Variants in PPP4R3A observed in about 807,000 individuals in gnomAD.
PPP4R3A encodes the protein serine/threonine-protein phosphatase 4 regulatory subunit 3A.
PPP4R3A carries 15 observed loss-of-function variants against 91.7 expected under a neutral mutation model. The ratio of observed to expected loss-of-function variants is 0.16; its 90% CI spans 0.11 to 0.25. The LOEUF is 0.25. PPP4R3A is among the 10% of genes least tolerant of loss of function. The pLI is 1.00. For missense variants in PPP4R3A, 623 were observed against 998.4 expected (o/e 0.62, Z 5.07); for synonymous variants, 377 against 348.7 (o/e 1.08, Z -0.91).
rs1595042126 is a variant in PPP4R3A at position 91,457,874 on chromosome 14, GCA to G, written c.*883_*884del. The G allele has an allele frequency of 6.6e-6, 1 of 152,478 alleles. No individual in the cohort carries two copies. Among genetic ancestry groups the G allele is most frequent in the East Asian group, 1.9e-4 (1 of 5,204 alleles). The allele number at this position is 152,478 out of a possible 1,614,324, so 9.4% of individuals were successfully genotyped here. A position where few individuals can be genotyped will look rare whatever the true frequency, so the allele number is the denominator to read the frequency against. On this transcript the variant is annotated 3_prime_UTR_variant, in exon 15 of 15. Transcript: ENST00000554943. ...TCACAAAATAGTATTGCTTTTGTAT[GCA>G]CATAGTTGTAAGATTACTTTGCTTT...
At position 91,509,778 on chromosome 14, in the gene PPP4R3A, CGCCGCGGG is replaced by C. The variant is rs1343788468; in HGVS notation, c.-139_-132del. 1 of 1,265,326 alleles carries C rather than the reference CGCCGCGGG, an allele frequency of 7.9e-7. No individual in the cohort carries two copies. The highest frequency in any genetic ancestry group is 9.9e-7 in the Non-Finnish European group (1 of 1,010,192). 78.4% of individuals were successfully genotyped at this position (1,265,326 alleles called of 1,614,324 possible). ...CCCCGGCCTCACTGCCGCCGCTGGG[CGCCGCGGG>C]GCCGCGCCGCCGCCTGCATGGCCCG... On this transcript the variant is annotated 5_prime_UTR_variant, in exon 1 of 15. An upstream open reading frame in the 5' UTR loses its in-frame stop. Transcript: ENST00000554943.
intron 3 of PPP4R3A, among the ~76,000 whole-genome samples, chr14:91,482,511 G>C (rs997708437): frequency 6.6e-6 from 1 of 152,130 alleles, no homozygotes; most frequent in Admixed American, 6.6e-5. Flanking sequence ...ATAGAAGCCT[G>C]ATGCTAAAAC....
chr14:91,472,006 A>G (rs1418876235), intron 9 of PPP4R3A, among the ~76,000 whole-genome samples: 1 of 143,232 alleles, frequency 7.0e-6, no homozygotes, highest in Non-Finnish European at 1.5e-5. Context: ...CAGAGGTTGC[A>G]GTGAGCCGAG....
intron 10 of PPP4R3A, among the ~76,000 whole-genome samples, chr14:91,468,736 C>G (rs1480743939): frequency 7.2e-6 from 1 of 139,198 alleles, no homozygotes; most frequent in African/African-American, 2.7e-5. Flanking sequence ...ACATGCCACA[C>G]TTTTTTTTTT....
chr14:91,461,512 T>C lies in PPP4R3A; in HGVS notation c.2260A>G (p.Thr754Ala). Residue 754 changes from threonine (T) to alanine (A), a missense_variant, in exon 14 of 15, where the codon ACT (threonine) becomes GCT (alanine). Thr to Ala is a moderately conservative substitution (Grantham distance 58). Transcript: ENST00000554943. Reference protein sequence around the residue: ...FKLSLSSGTKTNLTSQSSTTN... With the variant: ...FKLSLSSGTKANLTSQSSTTN... ...GTAGATGACTGGCTGGTGAGGTTAG[T>C]CTTCGTTCCACTGGACAGGGAAAGC... is the stretch of plus-strand genomic sequence containing the variant. 6.2e-7 allele frequency: 1 copy of C among 1,614,196 alleles called. No homozygotes were observed. The highest frequency in any genetic ancestry group is 8.5e-7 in the Non-Finnish European group (1 of 1,180,042).
In PPP4R3A at chr14:91,509,958, G is replaced by A; in HGVS notation, c.-311C>T. ...TCCCGCCCCGCAGCGCTAGGAACTC[G>A]GGGCTCCCGTCACTGCCCTGCTCCC... On this transcript the variant is annotated 5_prime_UTR_variant, in exon 1 of 15. Coordinates refer to ENST00000554943, the MANE Select transcript of PPP4R3A (RefSeq NM_001366432.2). 2.9e-6 allele frequency: 3 copies of A among 1,018,190 alleles called. No homozygotes were observed. Among genetic ancestry groups the A allele is most frequent in the Non-Finnish European group, 3.5e-6 (3 of 851,974 alleles). The allele number at this position is 1,018,190 out of a possible 1,614,324, so 63.1% of individuals were successfully genotyped here.
chr14:91,500,279 C>A (rs1890861238), intron 1 of PPP4R3A, among the ~76,000 whole-genome samples: 1 of 152,242 alleles, frequency 6.6e-6, no homozygotes, highest in East Asian at 1.9e-4. Context: ...CGGCTCACTG[C>A]AACCTCCACC....
chr14:91,484,829 GAA>G (rs1202941444), intron 3 of PPP4R3A, among the ~76,000 whole-genome samples: 1 of 152,124 alleles, frequency 6.6e-6, no homozygotes, highest in Non-Finnish European at 1.5e-5. Flanking sequence ...ACCTTCTCTA[GAA>G]AGAAATGGCC....
intron 1 of PPP4R3A, among the ~76,000 whole-genome samples, chr14:91,498,358 T>A (rs1890715972): frequency 1.3e-5 from 2 of 152,138 alleles, no homozygotes; most frequent in South Asian, 4.1e-4. Flanking sequence ...AAGACACTCT[T>A]CTCATTAAAC....
At position 91,465,302 on chromosome 14, in the gene PPP4R3A, C is replaced by T. The variant is rs1246714322; in HGVS notation, c.1778G>A (p.Arg593His). Residue 593 changes from arginine (R) to histidine (H), a missense_variant, in exon 11 of 15, where the codon CGC becomes CAC. Arg to His is a conservative substitution (Grantham distance 29). Around this residue, in one of 5 missense-constraint regions of PPP4R3A, gnomAD observed 87 missense variants for 233.9 expected, o/e 0.37. Transcript: ENST00000554943. ...TATGGCAGAGTTCATCAGATTGTAG[C>T]GGGATCCATTGTTGAGAAATGCTTT... ...VVKAFLNNGS[R>H]YNLMNSAIIE... 2 of 1,607,160 alleles carry T rather than the reference C, an allele frequency of 1.2e-6. No homozygotes were observed. The highest frequency in any genetic ancestry group is 1.7e-6 in the Non-Finnish European group (2 of 1,177,800).
intron 1 of PPP4R3A, among the ~76,000 whole-genome samples, chr14:91,504,517 G>A (rs560605387): frequency 2.0e-5 from 3 of 151,544 alleles, no homozygotes; most frequent in South Asian, 4.2e-4. Flanking sequence ...CGGGAGAATC[G>A]CTTGAACCCG....
chr14:91,486,596 G>C (rs536364464), intron 2 of PPP4R3A, among the ~76,000 whole-genome samples: 1 of 152,238 alleles, frequency 6.6e-6, no homozygotes, highest in South Asian at 2.1e-4. Context: ...ATAGTACCAA[G>C]AGCATATATT....
chr14:91,481,131 G>A (rs1046260118), intron 4 of PPP4R3A, among the ~76,000 whole-genome samples: 12 of 152,034 alleles, frequency 7.9e-5, no homozygotes, highest in African/African-American at 2.7e-4. Context: ...TCAGAGGTTT[G>A]AGGCCAGCCT....
At chr14:91,465,559 CTG>C in intron 10 of PPP4R3A, 140 bp from the exon 11 acceptor site, 1 of 640,972 alleles carries the variant, frequency 1.6e-6, no homozygotes, top group Non-Finnish European at 2.4e-6. Flanking sequence ...ACTTCCGGAA[CTG>C]TGAACCTAAA....
chr14:91,502,227 C>T (rs961994515), intron 1 of PPP4R3A, among the ~76,000 whole-genome samples: 2 of 151,958 alleles, frequency 1.3e-5, no homozygotes, highest in African/African-American at 4.8e-5. Flanking sequence ...CAAGACTAGT[C>T]TGGGCAACAC....
At chr14:91,506,045 A>G (rs1413703122) in intron 1 of PPP4R3A, among the ~76,000 whole-genome samples, 1 of 151,552 alleles carries the variant, frequency 6.6e-6, no homozygotes, top group Non-Finnish European at 1.5e-5. Flanking sequence ...TCCTGTGTTC[A>G]CACCATTCTC....
chr14:91,476,053 T>A, intron 6 of PPP4R3A, 87 bp from the exon 7 acceptor site: 1 of 1,292,624 alleles, frequency 7.7e-7, no homozygotes, highest in Non-Finnish European at 1.0e-6. Flanking sequence ...ACAAAACATA[T>A]GAAAAAACTT....
Position 91,458,544 on chromosome 14 carries a change from G to GAGAGCTCA in PPP4R3A, c.*207_*214dup, listed in dbSNP as rs771478388. 1 of 680,884 alleles carries GAGAGCTCA rather than the reference G, an allele frequency of 1.5e-6. No homozygotes were observed. The highest frequency in any genetic ancestry group is 2.6e-6 in the Non-Finnish European group (1 of 384,942). The allele number at this position is 680,884 out of a possible 1,614,324, so 42.2% of individuals were successfully genotyped here. On this transcript the variant is annotated 3_prime_UTR_variant, in exon 15 of 15. Coordinates refer to ENST00000554943, the MANE Select transcript of PPP4R3A (RefSeq NM_001366432.2). ...AAAGGGCAATGTGTGGTCCAAGCTG[G>GAGAGCTCA]AGAGCTCAAAGGCTTAAGTCTTTCC...
intron 1 of PPP4R3A, among the ~76,000 whole-genome samples, chr14:91,504,843 T>C (rs1030752905): frequency 5.9e-5 from 9 of 152,164 alleles, no homozygotes; most frequent in Admixed American, 4.6e-4. Flanking sequence ...TACTTCCATT[T>C]AGAAATTCTC....
Sources: allele counts gnomAD v4.1 joint callset (sites outside exome capture counted in the v4.1 genomes callset), GRCh38; gene constraint gnomAD v4.1.1; regional missense constraint gnomAD v4.1.1; transcripts MANE v1.5; gene names NCBI Gene and HGNC (gene_info 2026-07-23, HGNC 2026-07-21).